The following RORA variants were observed in gnomAD, a reference collection of about 807,000 sequenced individuals.
The protein encoded by RORA is nuclear receptor ROR-alpha.
In RORA, 7 loss-of-function variants were observed where a neutral mutation model predicts 69.5. The observed-to-expected ratio is 0.10, with a 90% CI of 0.06 to 0.19. The LOEUF is 0.19. Among genes scored for constraint, RORA ranks in the 10% least tolerant of loss-of-function variants. The pLI is 1.00. For synonymous variants in RORA, 261 were observed against 240.8 expected (o/e 1.08, Z -0.78); for missense variants, 457 against 663.0 (o/e 0.69, Z 3.41).
chr15:61,036,382 G>C (rs11071585), intron 1 of RORA, among the ~76,000 whole-genome samples: 1 of 152,056 alleles, frequency 6.6e-6, no homozygotes, highest in Non-Finnish European at 1.5e-5. Flanking sequence ...ACTATAGGGC[G>C]GAAAGCACAA....
intron 2 of RORA, among the ~76,000 whole-genome samples, chr15:60,548,952 G>A (rs1412743162): frequency 6.6e-6 from 1 of 152,136 alleles, no homozygotes; most frequent in African/African-American, 2.4e-5. Context: ...ATCATGTTGT[G>A]GATAAAAATG....
chr15:60,946,972 T>C (rs982742969), intron 1 of RORA, among the ~76,000 whole-genome samples: 1 of 149,328 alleles, frequency 6.7e-6, no homozygotes, highest in Non-Finnish European at 1.5e-5. Context: ...CTCTGAGAAG[T>C]GAGGAGCCCC....
intron 1 of RORA, among the ~76,000 whole-genome samples, chr15:61,090,670 C>G (rs1235382154): frequency 2.6e-5 from 4 of 152,178 alleles, no homozygotes; most frequent in African/African-American, 9.7e-5. Flanking sequence ...CAAAATCCAT[C>G]TATACTGAAA....
intron 2 of RORA, among the ~76,000 whole-genome samples, chr15:60,576,578 G>T (rs930606190): frequency 1.3e-5 from 2 of 152,234 alleles, no homozygotes; most frequent in Non-Finnish European, 2.9e-5. Context: ...TTCAGGGAAG[G>T]TTGGGCTTTC....
intron 1 of RORA, among the ~76,000 whole-genome samples, chr15:60,951,012 A>G (rs1156533562): frequency 4.6e-5 from 7 of 150,932 alleles, no homozygotes; most frequent in South Asian, 2.1e-4. Context: ...CACCACACCT[A>G]TTCCAAAATT....
intron 1 of RORA, among the ~76,000 whole-genome samples, chr15:61,193,569 T>A (rs767695627): frequency 6.6e-6 from 1 of 152,240 alleles, no homozygotes; most frequent in Non-Finnish European, 1.5e-5. Context: ...TCTAGTTATA[T>A]GAGCCCATTA....
At chr15:60,618,862 T>G (rs368556375) in intron 2 of RORA, among the ~76,000 whole-genome samples, 2 of 152,228 alleles carry the variant, frequency 1.3e-5, no homozygotes. Flanking sequence ...TTGAAGCTCA[T>G]GCATTTGTTT....
intron 1 of RORA, among the ~76,000 whole-genome samples, chr15:60,829,769 C>G (rs1014584888): frequency 2.6e-5 from 4 of 152,228 alleles, no homozygotes; most frequent in Non-Finnish European, 5.9e-5. Context: ...TGGTGATGAT[C>G]TCTGGCTTCC....
chr15:60,581,240 G>T (rs74664748), intron 2 of RORA, among the ~76,000 whole-genome samples: 2,002 of 152,266 alleles, frequency 0.013, 45 homozygotes, highest in African/African-American at 0.046. Flanking sequence ...GATTCTGAAC[G>T]TAACAGCAGC....
chr15:60,814,021 T>C (rs1595734918), intron 1 of RORA, among the ~76,000 whole-genome samples: 1 of 152,206 alleles, frequency 6.6e-6, no homozygotes, highest in South Asian at 2.1e-4. Flanking sequence ...GCATACTACA[T>C]ATCATAAAAC....
rs1373954447 is a variant in RORA at position 61,226,945 on chromosome 15, T to C, written c.166+2108A>G. ...TGTGCAAGATGTATCCCACTCCTAC[T>C]ATGCCCCTCTCCCCTTTTTGCTGAG... On this transcript the variant is annotated intron_variant, in intron 1 of 10. Coordinates refer to ENST00000335670, the MANE Select transcript of RORA (RefSeq NM_134261.3). The surrounding 1 kb of genome is among the most constrained non-coding windows in gnomAD (Gnocchi z 4.2). Among the ~76,000 whole-genome samples, 4 of 152,132 alleles carry C rather than the reference T, an allele frequency of 2.6e-5. No homozygotes were observed. The highest frequency in any genetic ancestry group is 4.1e-4 in the South Asian group (2 of 4,824).
intron 2 of RORA, among the ~76,000 whole-genome samples, chr15:60,602,052 G>A (rs774206031): frequency 6.6e-6 from 1 of 152,132 alleles, no homozygotes; most frequent in African/African-American, 2.4e-5. Context: ...AGCCCAACTC[G>A]CCCATTATTT....
chr15:60,518,891 CG>C (rs2066058886), intron 3 of RORA, among the ~76,000 whole-genome samples: 1 of 152,170 alleles, frequency 6.6e-6, no homozygotes, highest in African/African-American at 2.4e-5. Context: ...CCTTAATCGT[CG>C]TTTTGCTTTC....
At chr15:60,977,248 G>A (rs8031801) in intron 1 of RORA, among the ~76,000 whole-genome samples, 33,677 of 151,804 alleles carry the variant, frequency 0.22, 3,730 homozygotes, top group Middle Eastern at 0.24. Context: ...GGAGGGGGTC[G>A]TAAATGCAAT....
At chr15:61,107,485 G>C (rs2078962538) in intron 1 of RORA, among the ~76,000 whole-genome samples, 1 of 152,046 alleles carries the variant, frequency 6.6e-6, no homozygotes, top group South Asian at 2.1e-4. Context: ...CATTAAATCA[G>C]ACATCCTTGA....
Position 60,494,872 on chromosome 15 carries a change from G to A in RORA, c.*2583C>T, listed in dbSNP as rs1595856508. 6.6e-6 allele frequency: 1 copy of A among 152,284 alleles called. No individual in the cohort carries two copies. Among genetic ancestry groups the A allele is most frequent in the South Asian group, 2.1e-4 (1 of 4,828 alleles). The allele number at this position is 152,284 out of a possible 1,614,324, so 9.4% of individuals were successfully genotyped here. On this transcript the variant is annotated 3_prime_UTR_variant, in exon 11 of 11. Transcript: ENST00000335670. Reference sequence around the variant, plus strand: ...CATGCAGAATCCCTTCTGGGAAAAGGAATTTCTTTTTAAGTTCATCATTAT... The same window carrying A: ...CATGCAGAATCCCTTCTGGGAAAAGAAATTTCTTTTTAAGTTCATCATTAT...
chr15:61,081,049 G>A (rs553829205), intron 1 of RORA, among the ~76,000 whole-genome samples: 15 of 152,320 alleles, frequency 9.8e-5, no homozygotes, highest in African/African-American at 3.4e-4. Flanking sequence ...TCACAGGGCC[G>A]ACGAATTCTC....
In RORA at chr15:60,629,187, CTTT is replaced by C. The variant is rs34687322; in HGVS notation, c.196+49467_196+49469del. Among the ~76,000 whole-genome samples the C allele has an allele frequency of 8.0e-5, 9 of 112,016 alleles. 1 individual carries two copies. The highest frequency in any genetic ancestry group is 2.6e-4 in the African/African-American group (7 of 26,996). 73.5% of individuals were successfully genotyped at this position (112,016 alleles called of 152,430 possible). A position where few individuals can be genotyped will look rare whatever the true frequency, so the allele number is the denominator to read the frequency against. On this transcript the variant is annotated intron_variant, in intron 2 of 10. Coordinates refer to ENST00000335670, the MANE Select transcript of RORA (RefSeq NM_134261.3). Reference sequence around the variant, plus strand: ...TGTTTATAAGGATTGACTGTTTATTCTTTTTTTTTTTTTTTTTTGAAACAGAGT... The same window carrying C: ...TGTTTATAAGGATTGACTGTTTATTCTTTTTTTTTTTTTTTGAAACAGAGT...
At chr15:60,538,089 C>T (rs2066735231) in intron 2 of RORA, among the ~76,000 whole-genome samples, 1 of 152,136 alleles carries the variant, frequency 6.6e-6, no homozygotes, top group African/African-American at 2.4e-5. Flanking sequence ...GTCCAGATTT[C>T]CCAGGGTTTT....
Sources: gnomAD v4.1 joint callset for allele counts (sites outside exome capture counted in the v4.1 genomes callset) on GRCh38, gnomAD v4.1.1 for gene constraint, Gnocchi (gnomAD v3.1) non-coding constraint, MANE v1.5 for transcripts, NCBI Gene and HGNC (gene_info 2026-07-23, HGNC 2026-07-21) for gene names.